PDE10A: variants seen among roughly 807,000 people sequenced by gnomAD.
PDE10A encodes the protein phosphodiesterase 10A, also known as cAMP and cAMP-inhibited cGMP 3',5'-cyclic phosphodiesterase 10A.
PDE10A carries 39 observed loss-of-function variants against 97.7 expected under a neutral mutation model. That is an observed-to-expected ratio of 0.40 (90% CI 0.31 to 0.52). The LOEUF is 0.52. Among genes scored for constraint, PDE10A ranks in the 20% least tolerant of loss-of-function variants. The pLI is 0.56. For missense variants in PDE10A, 731 were observed against 1,047.8 expected (o/e 0.70, Z 4.17); for synonymous variants, 371 against 376.8 (o/e 0.98, Z 0.18).
intron 17 of PDE10A, among the ~76,000 whole-genome samples, chr6:165,384,692 T>A (rs1785174749): frequency 6.8e-6 from 1 of 148,030 alleles, no homozygotes; most frequent in Non-Finnish European, 1.5e-5. Context: ...GACTAAAGGT[T>A]AGCTTTTCAA....
intron 1 of PDE10A, among the ~76,000 whole-genome samples, chr6:165,807,229 G>A (rs1779164835): frequency 6.8e-6 from 1 of 148,126 alleles, no homozygotes; most frequent in African/African-American, 2.7e-5. Flanking sequence ...AGTCAGATAA[G>A]CAGATGTGGA....
chr6:165,731,715 T>A (rs1302358291), intron 1 of PDE10A, among the ~76,000 whole-genome samples: 1 of 152,206 alleles, frequency 6.6e-6, no homozygotes, highest in Non-Finnish European at 1.5e-5. Flanking sequence ...AGTTGAGGTA[T>A]TAAAACACTT....
intron 1 of PDE10A, among the ~76,000 whole-genome samples, chr6:165,891,432 A>C (rs1781791982): frequency 6.6e-6 from 1 of 152,136 alleles, no homozygotes; most frequent in South Asian, 2.1e-4. Context: ...GCTGCTACAG[A>C]GTCAGATCTC....
chr6:165,402,258 C>T (rs558546369), intron 13 of PDE10A, among the ~76,000 whole-genome samples: 14 of 151,394 alleles, frequency 9.2e-5, no homozygotes, highest in South Asian at 6.3e-4. Flanking sequence ...ATTGAAAATA[C>T]GTAAAAATTT....
chr6:165,811,053 A>G (rs1329758825), intron 1 of PDE10A, among the ~76,000 whole-genome samples: 2 of 152,044 alleles, frequency 1.3e-5, no homozygotes, highest in Non-Finnish European at 2.9e-5. Context: ...GTGAAACCCC[A>G]TCTCTACTAA....
At chr6:165,744,046 A>G (rs1476715647) in intron 1 of PDE10A, among the ~76,000 whole-genome samples, 1 of 152,184 alleles carries the variant, frequency 6.6e-6, no homozygotes, top group Non-Finnish European at 1.5e-5. Flanking sequence ...CCTCCTTTGT[A>G]AAATTGGGAG....
At chr6:165,836,139 G>A (rs564056012) in intron 1 of PDE10A, among the ~76,000 whole-genome samples, 204 of 152,156 alleles carry the variant, frequency 1.3e-3, no homozygotes, top group Non-Finnish European at 2.1e-3. Context: ...CGAGCCATGG[G>A]TGCTCTGTGC....
intron 1 of PDE10A, among the ~76,000 whole-genome samples, chr6:165,872,359 T>TAC (rs1781226164): frequency 6.6e-6 from 1 of 152,100 alleles, no homozygotes; most frequent in South Asian, 2.1e-4. Flanking sequence ...TGACTGAATA[T>TAC]ACCCCCATTG....
At chr6:165,830,655 T>G (rs1349708691) in intron 1 of PDE10A, among the ~76,000 whole-genome samples, 1 of 152,198 alleles carries the variant, frequency 6.6e-6, no homozygotes, top group African/African-American at 2.4e-5. Context: ...GTCCTGTTTG[T>G]GTTTATGTCT....
chr6:165,678,271 ATGTGTGTG>A (rs1354431661), intron 1 of PDE10A, among the ~76,000 whole-genome samples: 1 of 101,712 alleles, frequency 9.8e-6, no homozygotes, highest in Non-Finnish European at 2.1e-5. Context: ...GTGTCTGTGT[ATGTGTGTG>A]TGTCTCTGTG....
intron 1 of PDE10A, among the ~76,000 whole-genome samples, chr6:165,835,954 C>T (rs1780053974): frequency 6.6e-6 from 1 of 152,208 alleles, no homozygotes; most frequent in Non-Finnish European, 1.5e-5. Context: ...CCTCTTTGGA[C>T]AAGCTGCTGT....
At chr6:165,355,466 G>C (rs1308808946) in intron 18 of PDE10A, among the ~76,000 whole-genome samples, 1 of 152,176 alleles carries the variant, frequency 6.6e-6, no homozygotes, top group Non-Finnish European at 1.5e-5. Context: ...ATAGTAGTAT[G>C]TAACCACTTT....
At chr6:165,924,769 A>G (rs2128489218) in intron 1 of PDE10A, among the ~76,000 whole-genome samples, 1 of 152,348 alleles carries the variant, frequency 6.6e-6, no homozygotes, top group East Asian at 1.9e-4. Flanking sequence ...TTAACCCAAA[A>G]TGGATCACAA....
At chr6:165,597,236 G>A (rs772824758) in intron 1 of PDE10A, among the ~76,000 whole-genome samples, 9 of 151,972 alleles carry the variant, frequency 5.9e-5, no homozygotes, top group East Asian at 3.9e-4. Context: ...GTAGACACCC[G>A]ATACCTGTTA....
At chr6:165,527,479 T>C (rs1363949394) in intron 2 of PDE10A, among the ~76,000 whole-genome samples, 1 of 152,136 alleles carries the variant, frequency 6.6e-6, no homozygotes, top group Non-Finnish European at 1.5e-5. Flanking sequence ...CGGAGGCCTC[T>C]AGGATTTTGG....
At chr6:165,944,251 C>T (rs1262430467) in intron 1 of PDE10A, among the ~76,000 whole-genome samples, 1 of 152,230 alleles carries the variant, frequency 6.6e-6, no homozygotes, top group Non-Finnish European at 1.5e-5. Flanking sequence ...TCCCAGGACA[C>T]ATGGGGATTA....
chr6:165,794,644 C>A (rs1296730874), intron 1 of PDE10A, among the ~76,000 whole-genome samples: 1 of 152,150 alleles, frequency 6.6e-6, no homozygotes, highest in Non-Finnish European at 1.5e-5. Context: ...AACCCACACT[C>A]TCACACACAT....
chr6:165,540,842 C>T (rs933003797), intron 2 of PDE10A, among the ~76,000 whole-genome samples: 17 of 152,132 alleles, frequency 1.1e-4, no homozygotes, highest in African/African-American at 4.1e-4. Context: ...GTTAGCCAGG[C>T]TGGTCTCGAA....
At chr6:165,505,982 C>T (rs1198404096) in intron 2 of PDE10A, among the ~76,000 whole-genome samples, 1 of 152,038 alleles carries the variant, frequency 6.6e-6, no homozygotes, top group African/African-American at 2.4e-5. Flanking sequence ...AATAATATTA[C>T]TTGTCTTATT....
Sources: allele counts gnomAD v4.1 joint callset (sites outside exome capture counted in the v4.1 genomes callset), GRCh38; gene constraint gnomAD v4.1.1; transcripts MANE v1.5; gene names NCBI Gene and HGNC (gene_info 2026-07-23, HGNC 2026-07-21).